TCERG1L: variants seen among roughly 807,000 people sequenced by gnomAD.
The protein encoded by TCERG1L is transcription elongation regulator 1 like.
In TCERG1L, 37 loss-of-function variants were observed where a neutral mutation model predicts 56.3. The ratio of observed to expected loss-of-function variants is 0.66; its 90% confidence interval spans 0.51 to 0.87. The LOEUF (loss-of-function observed/expected upper bound fraction) is 0.87. TCERG1L is among the 40% of genes least tolerant of loss of function. TCERG1L has a pLI of 0.00. For missense variants in TCERG1L, 799 were observed against 774.2 expected (o/e 1.03, Z -0.38); for synonymous variants, 324 against 326.3 (o/e 0.99, Z 0.08).
intron 4 of TCERG1L, among the ~76,000 whole-genome samples, chr10:131,225,267 A>T (rs1845779198): frequency 2.0e-5 from 3 of 152,218 alleles, no homozygotes; most frequent in Admixed American, 2.0e-4. Context: ...ACCAGACATC[A>T]ACATCCAATT....
Position 131,260,379 on chromosome 10 carries a change from C to G in TCERG1L, c.736G>C (p.Ala246Pro), listed in dbSNP as rs557402004. Residue 246 changes from alanine (A) to proline (P), a missense_variant, in exon 4 of 12, where the codon GCT (alanine) becomes CCT (proline). Ala to Pro is a conservative substitution (Grantham distance 27). Transcript: ENST00000368642. This position sits in a 1 kb window ranked among gnomAD's most constrained non-coding sequence, Gnocchi z 5.8. Reference protein sequence around the residue: ...PAIAIATAAAAAMVSVDPENL... With the variant: ...PAIAIATAAAPAMVSVDPENL... ...TCAGGGTCCACGGAGACCATGGCAG[C>G]GGCGGCGGCGGTGGCGATGGCAATG... 6.7e-7 allele frequency: 1 copy of G among 1,486,004 alleles called. No individual in the cohort carries two copies. The highest frequency in any genetic ancestry group is 8.9e-7 in the Non-Finnish European group (1 of 1,128,226). The allele number at this position is 1,486,004 out of a possible 1,614,324, so 92.1% of individuals were successfully genotyped here. A position where few individuals can be genotyped will look rare whatever the true frequency, so the allele number is the denominator to read the frequency against.
rs567241777 is a variant in TCERG1L at position 131,290,527 on chromosome 10, A to ATTACAGCCTCCC, written c.670+17683_670+17684insGGGAGGCTGTAA. Among the ~76,000 whole-genome samples the ATTACAGCCTCCC allele has an allele frequency of 4.6e-4, 69 of 148,820 alleles. 1 individual carries two copies. The South Asian group carries it at 0.015, about 32-fold the overall frequency. On this transcript the variant is annotated intron_variant, in intron 3 of 11. Transcript: ENST00000368642. ...GTGCCTGTAATCCAAGATACTTGGG[A>ATTACAGCCTCCC]GGCTGAGACAGGAGAATTGCTTGAA...
At chr10:131,205,467 A>T (rs1041136876) in intron 4 of TCERG1L, among the ~76,000 whole-genome samples, 13 of 152,204 alleles carry the variant, frequency 8.5e-5, no homozygotes, top group Non-Finnish European at 1.6e-4. Context: ...TTAGATGTGA[A>T]TTATTCCCAC....
rs12414921 is a variant in TCERG1L at position 131,224,628 on chromosome 10, T to G, written c.856+35631A>C. Among the ~76,000 whole-genome samples the G allele has an allele frequency of 3.7e-3, 559 of 152,272 alleles. 16 individuals carry two copies. In the East Asian group the frequency reaches 0.069, roughly 19 times the overall value. On this transcript the variant is annotated intron_variant, in intron 4 of 11. Coordinates refer to ENST00000368642, the MANE Select transcript of TCERG1L (RefSeq NM_174937.4). ...AAGCTGTGCGGCCTGGGGAGTTACC[T>G]GAACTCTCCAACTTCAAGACCGAAG...
At chr10:131,116,481 G>A (rs958397115) in intron 9 of TCERG1L, among the ~76,000 whole-genome samples, 8 of 152,130 alleles carry the variant, frequency 5.3e-5, no homozygotes, top group Admixed American at 2.0e-4. Flanking sequence ...AACCACAAAG[G>A]CACCTTTCTC....
intron 3 of TCERG1L, among the ~76,000 whole-genome samples, chr10:131,263,202 T>G (rs1328898037): frequency 6.6e-6 from 1 of 152,174 alleles, no homozygotes; most frequent in African/African-American, 2.4e-5. Context: ...AATCTGCATT[T>G]AGTGATGTCG....
intron 4 of TCERG1L, among the ~76,000 whole-genome samples, chr10:131,190,589 T>C (rs1027304264): frequency 6.9e-6 from 1 of 144,358 alleles, no homozygotes; most frequent in African/African-American, 2.6e-5. Context: ...GTGGGTTTTA[T>C]TTCAGGGAGG....
intron 4 of TCERG1L, among the ~76,000 whole-genome samples, chr10:131,189,593 T>A (rs1589742121): frequency 6.6e-6 from 1 of 152,332 alleles, no homozygotes; most frequent in Admixed American, 6.5e-5. Context: ...AATGGACACT[T>A]AGGTTGATTC....
intron 7 of TCERG1L, among the ~76,000 whole-genome samples, chr10:131,144,634 G>T (rs534134417): frequency 6.6e-6 from 1 of 152,218 alleles, no homozygotes; most frequent in South Asian, 2.1e-4. Flanking sequence ...TTTATATGAG[G>T]AGGGAAGTAA....
intron 9 of TCERG1L, among the ~76,000 whole-genome samples, chr10:131,109,285 C>T (rs1845386299): frequency 1.3e-5 from 2 of 152,200 alleles, no homozygotes; most frequent in Admixed American, 6.5e-5. Flanking sequence ...TGATCCACCC[C>T]CTTCCTCACC....
intron 4 of TCERG1L, among the ~76,000 whole-genome samples, chr10:131,215,613 C>T (rs879332393): frequency 6.6e-6 from 1 of 152,236 alleles, no homozygotes; most frequent in East Asian, 1.9e-4. Flanking sequence ...GAGAGTTAGG[C>T]TCTGAGGATG....
At chr10:131,163,332 T>C (rs1367576860) in intron 5 of TCERG1L, 122 bp from the exon 6 acceptor site, 14 of 749,124 alleles carry the variant, frequency 1.9e-5, no homozygotes, top group Non-Finnish European at 2.9e-5. Flanking sequence ...AGCCACGAGA[T>C]AATGACCTCA....
At chr10:131,126,595 G>T (rs545123621) in intron 8 of TCERG1L, among the ~76,000 whole-genome samples, 2 of 152,338 alleles carry the variant, frequency 1.3e-5, no homozygotes, top group East Asian at 3.9e-4. Flanking sequence ...GACAGACTCT[G>T]CTGGGGACCG....
intron 4 of TCERG1L, among the ~76,000 whole-genome samples, chr10:131,255,890 C>A (rs1231838204): frequency 6.6e-6 from 1 of 152,214 alleles, no homozygotes; most frequent in Non-Finnish European, 1.5e-5. Flanking sequence ...ATAATGCCAG[C>A]TCAGATACTT....
At chr10:131,097,336 C>A (rs1462007113) in intron 11 of TCERG1L, among the ~76,000 whole-genome samples, 2 of 151,678 alleles carry the variant, frequency 1.3e-5, no homozygotes, top group African/African-American at 4.8e-5. Context: ...AGTACATGTT[C>A]ATTACTTTTT....
intron 4 of TCERG1L, among the ~76,000 whole-genome samples, chr10:131,180,543 G>T (rs570042248): frequency 8.0e-4 from 122 of 152,176 alleles, no homozygotes; most frequent in African/African-American, 2.9e-3. Flanking sequence ...TTTATTTTAG[G>T]CTACCATCTA....
At chr10:131,183,827 C>T (rs959014175) in intron 4 of TCERG1L, among the ~76,000 whole-genome samples, 16 of 152,184 alleles carry the variant, frequency 1.1e-4, no homozygotes, top group Admixed American at 9.2e-4. Context: ...AACATTATGG[C>T]GCGTGTGTCT....
chr10:131,184,358 G>T (rs1204242528), intron 4 of TCERG1L, among the ~76,000 whole-genome samples: 1 of 152,158 alleles, frequency 6.6e-6, no homozygotes, highest in Non-Finnish European at 1.5e-5. Flanking sequence ...AATAAATATT[G>T]GATGGCTGAC....
intron 3 of TCERG1L, among the ~76,000 whole-genome samples, chr10:131,270,235 T>C (rs553820712): frequency 1.1e-4 from 17 of 152,256 alleles, no homozygotes; most frequent in African/African-American, 3.6e-4. Flanking sequence ...TGCCTGAGGA[T>C]ACAAGCCAGG....
Sources: allele counts gnomAD v4.1 joint callset (sites outside exome capture counted in the v4.1 genomes callset), GRCh38; gene constraint gnomAD v4.1.1; non-coding constraint Gnocchi (gnomAD v3.1); transcripts MANE v1.5; gene names NCBI Gene and HGNC (gene_info 2026-07-23, HGNC 2026-07-21).